The following CAMK1D variants were observed in gnomAD, a reference collection of about 807,000 sequenced individuals.
CAMK1D encodes the protein calcium/calmodulin dependent protein kinase ID, also known as calcium/calmodulin-dependent protein kinase type 1D.
Under a neutral mutation model 47.7 loss-of-function variants are expected in CAMK1D, and 9 were observed. The observed-to-expected ratio is 0.19, with a 90% CI of 0.11 to 0.33. The LOEUF is 0.33. Ranked by LOEUF, CAMK1D falls within the 10% of genes least tolerant of loss-of-function variation. CAMK1D has a pLI of 1.00. For synonymous variants in CAMK1D, 184 were observed against 184.9 expected (o/e 0.99, Z 0.04); for missense variants, 291 against 488.7 (o/e 0.60, Z 3.81).
chr10:12,723,903 T>TC (rs1226165943), intron 3 of CAMK1D, among the ~76,000 whole-genome samples: 1 of 152,126 alleles, frequency 6.6e-6, no homozygotes, highest in Middle Eastern at 3.2e-3. Flanking sequence ...ATGCTATCCC[T>TC]CCCCACTCCC....
intron 10 of CAMK1D, 23 bp from the exon 11 acceptor site, chr10:12,828,746 C>A (rs748289880): frequency 1.9e-6 from 3 of 1,581,790 alleles, no homozygotes; most frequent in Non-Finnish European, 2.6e-6. Context: ...AACTCTGAAG[C>A]CCACTTCTGC....
At chr10:12,824,369 C>T (rs1420740611) in intron 8 of CAMK1D, 96 bp from the exon 9 acceptor site, 6 of 1,059,804 alleles carry the variant, frequency 5.7e-6, no homozygotes, top group African/African-American at 1.6e-5. Flanking sequence ...GACTGAGCCT[C>T]GGCTCTCCTG....
intron 1 of CAMK1D, among the ~76,000 whole-genome samples, chr10:12,421,152 G>A (rs1840035792): frequency 6.6e-6 from 1 of 152,190 alleles, no homozygotes; most frequent in Non-Finnish European, 1.5e-5. Flanking sequence ...CTAGGCGGGT[G>A]TAAGCTTCAG....
rs536688946 is a variant in CAMK1D, at chr10:12,807,431, T to G, written c.642-6764T>G. ...GCTCTGCCCTCTTCCCTGCTTTCTTTTAGTGTTCAGTTGAAACCTAGGCAA... is the reference window on the plus strand; with the variant it reads ...GCTCTGCCCTCTTCCCTGCTTTCTTGTAGTGTTCAGTTGAAACCTAGGCAA... On this transcript the variant is annotated intron_variant, in intron 6 of 10. Transcript: ENST00000619168. 2.6e-5 allele frequency among the ~76,000 whole-genome samples: 4 copies of G among 152,278 alleles called. No homozygotes were observed. In the South Asian group the frequency reaches 6.2e-4, roughly 24 times the overall value.
At chr10:12,494,397 ATAT>A (rs547251242) in intron 1 of CAMK1D, among the ~76,000 whole-genome samples, 3 of 152,220 alleles carry the variant, frequency 2.0e-5, no homozygotes, top group African/African-American at 7.2e-5. Flanking sequence ...CTAATTTTTA[ATAT>A]TAATGTTACA....
At chr10:12,351,632 G>T (rs1837358100) in intron 1 of CAMK1D, among the ~76,000 whole-genome samples, 1 of 152,220 alleles carries the variant, frequency 6.6e-6, no homozygotes, top group Non-Finnish European at 1.5e-5. Flanking sequence ...GACTCGTGCA[G>T]CTGCACCTCT....
At chr10:12,589,215 T>C (rs2132357019) in intron 2 of CAMK1D, among the ~76,000 whole-genome samples, 1 of 152,310 alleles carries the variant, frequency 6.6e-6, no homozygotes, top group South Asian at 2.1e-4. Context: ...GGTTTCACCA[T>C]GTTGCCCAGG....
intron 3 of CAMK1D, among the ~76,000 whole-genome samples, chr10:12,722,750 CAG>C (rs1005361639): frequency 6.6e-5 from 10 of 152,278 alleles, no homozygotes; most frequent in African/African-American, 2.4e-4. Flanking sequence ...CCTGTCCTAA[CAG>C]AGTTTCTAGC....
chr10:12,668,768 G>A (rs1266092444), intron 3 of CAMK1D, among the ~76,000 whole-genome samples: 1 of 152,116 alleles, frequency 6.6e-6, no homozygotes, highest in African/African-American at 2.4e-5. Flanking sequence ...AAAAGTTATC[G>A]CAAATATGGG....
chr10:12,647,059 T>C (rs1457414339), intron 2 of CAMK1D, among the ~76,000 whole-genome samples: 1 of 151,630 alleles, frequency 6.6e-6, no homozygotes, highest in Non-Finnish European at 1.5e-5. Context: ...GCCAGGCTGG[T>C]CTCGAACTCC....
At chr10:12,766,090 C>G (rs1342368278) in intron 4 of CAMK1D, among the ~76,000 whole-genome samples, 1 of 151,548 alleles carries the variant, frequency 6.6e-6, no homozygotes, top group Non-Finnish European at 1.5e-5. Context: ...CTCAGCCTCC[C>G]TAGTAGCTGG....
chr10:12,825,922 A>C (rs558673467), intron 10 of CAMK1D: 5 of 587,272 alleles, frequency 8.5e-6, no homozygotes, highest in African/African-American at 7.4e-5. Flanking sequence ...GGACTGTTTG[A>C]GTTCAGGAGT....
chr10:12,441,912 T>C (rs2132014053), intron 1 of CAMK1D, among the ~76,000 whole-genome samples: 1 of 152,330 alleles, frequency 6.6e-6, no homozygotes, highest in East Asian at 1.9e-4. Context: ...CCAGATAAAC[T>C]GAGAAGCGCT....
In CAMK1D at chr10:12,393,036, T is replaced by C. The variant is rs550350660; in HGVS notation, c.92+43126T>C. Among the ~76,000 whole-genome samples the C allele has an allele frequency of 3.3e-5, 5 of 151,966 alleles. No homozygotes were observed. In the South Asian group the frequency reaches 8.4e-4, roughly 25 times the overall value. Reference sequence around the variant, plus strand: ...TGGATCTGAAACATAACTTTTTTTTTTTTTTTCTTTTTTGAGACACAGTTT... The same window carrying C: ...TGGATCTGAAACATAACTTTTTTTTCTTTTTTCTTTTTTGAGACACAGTTT... On this transcript the variant is annotated intron_variant, in intron 1 of 10. Coordinates refer to ENST00000619168, the MANE Select transcript of CAMK1D (RefSeq NM_153498.4).
chr10:12,549,615 T>A (rs1836512880), intron 1 of CAMK1D, among the ~76,000 whole-genome samples: 7 of 152,198 alleles, frequency 4.6e-5, no homozygotes, highest in Admixed American at 4.6e-4. Flanking sequence ...TCTGGAACCT[T>A]GGCTCCCTGA....
At position 12,689,613 on chromosome 10, in the gene CAMK1D, C is replaced by T. The variant is rs141945188; in HGVS notation, c.299+22803C>T. 1.6e-3 allele frequency among the ~76,000 whole-genome samples: 250 copies of T among 152,104 alleles called. 3 individuals carry two copies. The South Asian group carries it at 0.02, about 12-fold the overall frequency. On this transcript the variant is annotated intron_variant, in intron 3 of 10. Coordinates refer to ENST00000619168, the MANE Select transcript of CAMK1D (RefSeq NM_153498.4). ...CCAACGTGGTGAAACCCCATCTCTA[C>T]TAAAAATACAAAATTAGCCAGGCCT...
Position 12,460,754 on chromosome 10 carries a change from A to G in CAMK1D, c.93-92471A>G, listed in dbSNP as rs537515864. On this transcript the variant is annotated intron_variant, in intron 1 of 10. Coordinates refer to ENST00000619168, the MANE Select transcript of CAMK1D (RefSeq NM_153498.4). ...TATTTTATTTTTAATTTTTGTGGAG[A>G]TGGAGTTTTGCTATGTTGCCCAGGC... 3.3e-5 allele frequency among the ~76,000 whole-genome samples: 5 copies of G among 151,614 alleles called. No homozygotes were observed. The South Asian group carries it at 1.0e-3, about 32-fold the overall frequency.
chr10:12,415,833 T>C (rs1839829114), intron 1 of CAMK1D: 1 of 149,936 alleles, frequency 6.7e-6, no homozygotes, highest in African/African-American at 2.5e-5. Context: ...TGAGACAAGG[T>C]CTCGCTCTGT....
At position 12,554,265 on chromosome 10, in the gene CAMK1D, C is replaced by A. The variant is rs2132275178; in HGVS notation, c.224+909C>A. ...TTCCACCTCCTGGCTTCAAGCGATTCTCCCGCCTCAGCCTCCCGAAGCTGG... is the reference window on the plus strand; with the variant it reads ...TTCCACCTCCTGGCTTCAAGCGATTATCCCGCCTCAGCCTCCCGAAGCTGG... On this transcript the variant is annotated intron_variant, in intron 2 of 10. Transcript: ENST00000619168. 1.5e-5 allele frequency among the ~76,000 whole-genome samples: 2 copies of A among 131,688 alleles called. 1 individual carries two copies. Among genetic ancestry groups the A allele is most frequent in the South Asian group, 4.5e-4 (2 of 4,438 alleles). 86.4% of individuals were successfully genotyped at this position (131,688 alleles called of 152,430 possible).
Sources: allele counts gnomAD v4.1 joint callset (sites outside exome capture counted in the v4.1 genomes callset), GRCh38; gene constraint gnomAD v4.1.1; transcripts MANE v1.5; gene names NCBI Gene and HGNC (gene_info 2026-07-23, HGNC 2026-07-21).